Variants in LPAR1 observed in about 807,000 individuals in gnomAD.
The protein encoded by LPAR1 is lysophosphatidic acid receptor 1, also known as LPA receptor 1.
Under a neutral mutation model 23.8 loss-of-function variants are expected in LPAR1, and 5 were observed. The ratio of observed to expected loss-of-function variants is 0.21; its 90% CI spans 0.11 to 0.44. The LOEUF is 0.44. Among genes scored for constraint, LPAR1 ranks in the 20% least tolerant of loss-of-function variants. The pLI, the probability that LPAR1 is intolerant of heterozygous loss-of-function variation, is 0.99. For missense variants in LPAR1, 311 were observed against 482.8 expected (o/e 0.64, Z 3.33); for synonymous variants, 160 against 164.7 (o/e 0.97, Z 0.22).
chr9:110,892,901 C>T (rs531911081), intron 5 of LPAR1, among the ~76,000 whole-genome samples: 17 of 150,764 alleles, frequency 1.1e-4, no homozygotes, highest in Middle Eastern at 3.4e-3. Flanking sequence ...ACTCAATAAG[C>T]TTAGTGGTGC....
chr9:110,945,753 T>C (rs956947718), intron 4 of LPAR1, among the ~76,000 whole-genome samples: 1 of 152,262 alleles, frequency 6.6e-6, no homozygotes, highest in African/African-American at 2.4e-5. Context: ...CCTTGTCTTT[T>C]CCAACTTCTA....
intron 5 of LPAR1, among the ~76,000 whole-genome samples, chr9:110,880,333 G>A (rs548512262): frequency 6.6e-6 from 1 of 152,266 alleles, no homozygotes; most frequent in African/African-American, 2.4e-5. Context: ...GCTGCAGATC[G>A]AGATCATATT....
intron 5 of LPAR1, among the ~76,000 whole-genome samples, chr9:110,938,704 A>C (rs2094892662): frequency 8.1e-6 from 1 of 123,602 alleles, no homozygotes; most frequent in South Asian, 3.0e-4. Flanking sequence ...AAAAAAAGAA[A>C]AAAGAAAAAA....
At chr9:110,925,436 A>C (rs2093941841) in intron 5 of LPAR1, among the ~76,000 whole-genome samples, 3 of 152,256 alleles carry the variant, frequency 2.0e-5, no homozygotes, top group African/African-American at 7.2e-5. Flanking sequence ...TAGTCTCATA[A>C]TCCTGATAGA....
chr9:110,988,981 T>C (rs2096844628), intron 2 of LPAR1, among the ~76,000 whole-genome samples: 1 of 152,134 alleles, frequency 6.6e-6, no homozygotes, highest in African/African-American at 2.4e-5. Context: ...AGATACATAC[T>C]ACAACATGCA....
intron 5 of LPAR1, among the ~76,000 whole-genome samples, chr9:110,883,590 TA>T (rs1286167981): frequency 3.9e-5 from 6 of 152,334 alleles, no homozygotes; most frequent in African/African-American, 1.4e-4. Flanking sequence ...CTAGATATCA[TA>T]AATGTGATGC....
chr9:110,889,937 A>G (rs933630975), intron 5 of LPAR1, among the ~76,000 whole-genome samples: 1 of 152,226 alleles, frequency 6.6e-6, no homozygotes, highest in Non-Finnish European at 1.5e-5. Context: ...CAAGAAGTTG[A>G]GCAAAAATAT....
At chr9:110,901,806 T>C (rs2133868101) in intron 5 of LPAR1, among the ~76,000 whole-genome samples, 1 of 152,228 alleles carries the variant, frequency 6.6e-6, no homozygotes, top group African/African-American at 2.4e-5. Context: ...CAGGGAACTA[T>C]GAAAGGTAGA....
At chr9:111,008,838 G>A (rs2097270370) in intron 2 of LPAR1, among the ~76,000 whole-genome samples, 1 of 152,112 alleles carries the variant, frequency 6.6e-6, no homozygotes, top group South Asian at 2.1e-4. Context: ...TGCCTTTAAT[G>A]CATCAAACAG....
intron 2 of LPAR1, among the ~76,000 whole-genome samples, chr9:111,008,479 T>C (rs933820867): frequency 1.3e-5 from 2 of 152,158 alleles, no homozygotes; most frequent in African/African-American, 4.8e-5. Context: ...GTCAGCCGAT[T>C]ATATCCCAAT....
intron 2 of LPAR1, among the ~76,000 whole-genome samples, chr9:110,986,213 G>A (rs1479052417): frequency 6.6e-6 from 1 of 152,002 alleles, no homozygotes; most frequent in Non-Finnish European, 1.5e-5. Flanking sequence ...CCACTTACAG[G>A]AGAAGCACCC....
At chr9:110,989,672 T>C (rs2096858810) in intron 2 of LPAR1, among the ~76,000 whole-genome samples, 1 of 151,720 alleles carries the variant, frequency 6.6e-6, no homozygotes, top group African/African-American at 2.4e-5. Flanking sequence ...GTATACCAAA[T>C]CCAAAAAATA....
chr9:110,945,000 G>C (rs1165286639), intron 4 of LPAR1, among the ~76,000 whole-genome samples: 1 of 152,108 alleles, frequency 6.6e-6, no homozygotes, highest in African/African-American at 2.4e-5. Context: ...AATACACCAG[G>C]AATTAAAAAT....
intron 4 of LPAR1, among the ~76,000 whole-genome samples, chr9:110,952,260 C>T (rs929805698): frequency 6.6e-6 from 1 of 151,804 alleles, no homozygotes; most frequent in African/African-American, 2.4e-5. Context: ...GGTCCACAAT[C>T]CCACCAGACT....
At chr9:110,992,036 C>CTATA (rs2096906267) in intron 2 of LPAR1, among the ~76,000 whole-genome samples, 1 of 150,684 alleles carries the variant, frequency 6.6e-6, no homozygotes, top group South Asian at 2.1e-4. Flanking sequence ...AAAGCAGGAT[C>CTATA]TATAAAGAAC....
At chr9:111,037,600 G>A (rs1296614606) in intron 1 of LPAR1, among the ~76,000 whole-genome samples, 3 of 152,290 alleles carry the variant, frequency 2.0e-5, no homozygotes, top group Non-Finnish European at 1.5e-5. Flanking sequence ...TTTGTTAGGC[G>A]GCTGGACAGA....
chr9:110,917,021 A>G (rs564598486), intron 5 of LPAR1, among the ~76,000 whole-genome samples: 2 of 151,834 alleles, frequency 1.3e-5, no homozygotes, highest in East Asian at 3.9e-4. Flanking sequence ...TTTCAAATAT[A>G]AGCTAAGGTA....
At chr9:110,981,059 A>G (rs960418513) in intron 2 of LPAR1, among the ~76,000 whole-genome samples, 28 of 152,264 alleles carry the variant, frequency 1.8e-4, no homozygotes, top group South Asian at 1.4e-3. Flanking sequence ...TCCTTAAAAG[A>G]ACTCTTTTAT....
chr9:110,935,354 T>C (rs556309468), intron 5 of LPAR1, among the ~76,000 whole-genome samples: 16 of 151,698 alleles, frequency 1.1e-4, no homozygotes, highest in African/African-American at 2.4e-4. Context: ...AGTTGGATGA[T>C]ATAATTTTTA....
Sources: allele counts gnomAD v4.1 joint callset (sites outside exome capture counted in the v4.1 genomes callset), GRCh38; gene constraint gnomAD v4.1.1; transcripts MANE v1.5; gene names NCBI Gene and HGNC (gene_info 2026-07-23, HGNC 2026-07-21).